FHIT: variants seen among roughly 807,000 people sequenced by gnomAD.
FHIT encodes the protein fragile histidine triad diadenosine triphosphatase, also known as bis(5'-adenosyl)-triphosphatase.
Under a neutral mutation model 17.9 loss-of-function variants are expected in FHIT, and 19 were observed. The ratio of observed to expected loss-of-function variants is 1.06; its 90% CI spans 0.74 to 1.56. FHIT has a LOEUF of 1.56. Ranked by LOEUF, FHIT falls within the 40% of genes most tolerant of loss-of-function variation. FHIT has a pLI of 0.00. For missense variants in FHIT, 248 were observed against 189.2 expected (o/e 1.31, Z -1.82); for synonymous variants, 81 against 69.7 (o/e 1.16, Z -0.81).
At chr3:59,908,395 C>G (rs1704685091) in intron 8 of FHIT, among the ~76,000 whole-genome samples, 1 of 152,212 alleles carries the variant, frequency 6.6e-6, no homozygotes, top group Admixed American at 6.5e-5. Flanking sequence ...GAGAAGAACT[C>G]TGACAAGCTG....
chr3:60,027,125 ACACACACACACACACAC>A (rs1700774597), intron 5 of FHIT, among the ~76,000 whole-genome samples: 2 of 130,846 alleles, frequency 1.5e-5, no homozygotes, highest in South Asian at 2.7e-4. Flanking sequence ...ACACACACAC[ACACACACACACACACAC>A]ACACACAAAA....
At chr3:60,252,573 A>C (rs1705769319) in intron 5 of FHIT, among the ~76,000 whole-genome samples, 1 of 152,022 alleles carries the variant, frequency 6.6e-6, no homozygotes, top group African/African-American at 2.4e-5. Flanking sequence ...AAAAGAAAAA[A>C]ATAAATAAAT....
chr3:60,187,115 T>C (rs1050826906), intron 5 of FHIT, among the ~76,000 whole-genome samples: 1 of 152,158 alleles, frequency 6.6e-6, no homozygotes, highest in Admixed American at 6.5e-5. Context: ...GGGGATCAAA[T>C]GGTATACATT....
chr3:59,802,477 A>C (rs1432272693), intron 8 of FHIT, among the ~76,000 whole-genome samples: 1 of 152,170 alleles, frequency 6.6e-6, no homozygotes, highest in East Asian at 1.9e-4. Context: ...TTAACTGATG[A>C]CATTACCTTG....
chr3:61,092,422 TA>T (rs1211198576), intron 2 of FHIT, among the ~76,000 whole-genome samples: 17 of 152,136 alleles, frequency 1.1e-4, no homozygotes, highest in Admixed American at 1.0e-3. Flanking sequence ...TACATGTTTT[TA>T]ATTTTGAAGT....
intron 4 of FHIT, among the ~76,000 whole-genome samples, chr3:60,762,260 C>T (rs1699681298): frequency 6.6e-6 from 1 of 152,146 alleles, no homozygotes; most frequent in Admixed American, 6.5e-5. Context: ...TTCTTAACCT[C>T]CCTTGCATCT....
At chr3:59,806,125 G>A (rs1440404285) in intron 8 of FHIT, among the ~76,000 whole-genome samples, 1 of 149,760 alleles carries the variant, frequency 6.7e-6, no homozygotes, top group South Asian at 2.1e-4. Context: ...AGCTTGCAGT[G>A]AGCCGAGATC....
intron 4 of FHIT, among the ~76,000 whole-genome samples, chr3:60,744,466 TC>T (rs2042317145): frequency 6.6e-6 from 1 of 152,226 alleles, no homozygotes; most frequent in South Asian, 2.1e-4. Flanking sequence ...ACAACTTTGT[TC>T]TAATAGGGGA....
At chr3:61,148,815 TA>T (rs772462021) in intron 2 of FHIT, among the ~76,000 whole-genome samples, 44 of 152,352 alleles carry the variant, frequency 2.9e-4, no homozygotes, top group Non-Finnish European at 3.1e-4. Context: ...TAAAAATTCA[TA>T]ACTTATTGGT....
chr3:61,064,123 A>G (rs145108350), intron 2 of FHIT, among the ~76,000 whole-genome samples: 15 of 152,316 alleles, frequency 9.8e-5, no homozygotes, highest in African/African-American at 3.6e-4. Context: ...CTTCATTGAC[A>G]TTGACTGGTC....
At chr3:59,894,444 A>G (rs750794) in intron 8 of FHIT, among the ~76,000 whole-genome samples, 47 of 152,292 alleles carry the variant, frequency 3.1e-4, no homozygotes, top group African/African-American at 1.1e-3. Context: ...ACTAATTGCC[A>G]TTGTTGCTAA....
intron 7 of FHIT, among the ~76,000 whole-genome samples, chr3:59,924,284 C>T (rs1575704598): frequency 1.3e-5 from 2 of 152,260 alleles, no homozygotes; most frequent in Middle Eastern, 6.8e-3. Flanking sequence ...TTTGTCCTTT[C>T]TTCTTTCTGT....
intron 8 of FHIT, among the ~76,000 whole-genome samples, chr3:59,876,445 G>A (rs1318965097): frequency 7.3e-5 from 2 of 27,466 alleles, no homozygotes. Flanking sequence ...GGGAGGGAGT[G>A]TGGGAGCAGC....
At chr3:61,020,456 G>C (rs1434126014) in intron 3 of FHIT, among the ~76,000 whole-genome samples, 1 of 152,106 alleles carries the variant, frequency 6.6e-6, no homozygotes, top group African/African-American at 2.4e-5. Context: ...CTGATGGATA[G>C]ATTGCAAAGA....
intron 2 of FHIT, among the ~76,000 whole-genome samples, chr3:61,103,338 T>C (rs1377893252): frequency 6.6e-6 from 1 of 152,216 alleles, no homozygotes; most frequent in Non-Finnish European, 1.5e-5. Context: ...GAGCTGGTTG[T>C]TCAGTTTCCA....
chr3:60,228,982 G>A (rs150395716), intron 5 of FHIT, among the ~76,000 whole-genome samples: 28 of 152,254 alleles, frequency 1.8e-4, no homozygotes, highest in African/African-American at 6.3e-4. Flanking sequence ...GGTGAGATTC[G>A]AGAAATGTCA....
chr3:60,789,799 G>A (rs1441778016), intron 4 of FHIT, among the ~76,000 whole-genome samples: 1 of 152,154 alleles, frequency 6.6e-6, no homozygotes, highest in African/African-American at 2.4e-5. Flanking sequence ...TGGTCCTGTG[G>A]AAATAGTAAC....
At chr3:59,947,143 TGGC>T (rs1204964771) in intron 7 of FHIT, among the ~76,000 whole-genome samples, 1 of 152,172 alleles carries the variant, frequency 6.6e-6, no homozygotes, top group African/African-American at 2.4e-5. Context: ...GTCTGGTCCG[TGGC>T]TTTTTCTAGT....
intron 2 of FHIT, among the ~76,000 whole-genome samples, chr3:61,077,488 A>G: frequency 6.6e-6 from 1 of 150,530 alleles, no homozygotes; most frequent in South Asian, 2.1e-4. Flanking sequence ...AAACAAACAA[A>G]AAAAAACAGC....
Sources: allele counts gnomAD v4.1 joint callset (sites outside exome capture counted in the v4.1 genomes callset), GRCh38; gene constraint gnomAD v4.1.1; transcripts MANE v1.5; gene names NCBI Gene and HGNC (gene_info 2026-07-23, HGNC 2026-07-21).